BNC2: variants seen among roughly 807,000 people sequenced by gnomAD.
The protein encoded by BNC2 is basonuclin zinc finger protein 2.
Under a neutral mutation model 76.3 loss-of-function variants are expected in BNC2, and 20 were observed. The ratio of observed to expected loss-of-function variants is 0.26; its 90% CI spans 0.18 to 0.38. The LOEUF is 0.38. Among genes scored for constraint, BNC2 ranks in the 10% least tolerant of loss-of-function variants. The pLI is 1.00. For synonymous variants in BNC2, 582 were observed against 514.8 expected, an observed-to-expected ratio of 1.13 and a Z score of -1.77; for missense variants, 1,382 against 1,399.8, an observed-to-expected ratio of 0.99 and a Z score of 0.20.
chr9:16,863,116 T>C (rs1330169409), intron 1 of BNC2, among the ~76,000 whole-genome samples: 1 of 151,884 alleles, frequency 6.6e-6, no homozygotes, highest in Non-Finnish European at 1.5e-5. Context: ...GGTTTCACCA[T>C]ATTGGCCAGG....
At position 16,846,207 on chromosome 9, in the gene BNC2, G is replaced by A. The variant is rs116456118; in HGVS notation, c.3+24439C>T. On this transcript the variant is annotated intron_variant, in intron 1 of 6. Transcript: ENST00000380672. The stretch of plus-strand genomic sequence containing the variant: ...GCTACGTTTGAAATATAGTTTTGGT[G>A]AATTTCTAACTGTAAAAAAAGAAAA... Among the ~76,000 whole-genome samples, 735 of 151,836 alleles carry A rather than the reference G, an allele frequency of 4.8e-3. 1 individual carries two copies. Among genetic ancestry groups the A allele is most frequent in the African/African-American group, 0.017 (687 of 41,420 alleles).
At chr9:16,534,339 C>G (rs1818068931) in intron 5 of BNC2, among the ~76,000 whole-genome samples, 1 of 152,094 alleles carries the variant, frequency 6.6e-6, no homozygotes, top group Non-Finnish European at 1.5e-5. Flanking sequence ...AACTGTGCAA[C>G]CTAATTCTGA....
At position 16,738,422 on chromosome 9, in the gene BNC2, C is replaced by A; in HGVS notation, c.67G>T (p.Glu23Ter). 1.2e-6 allele frequency: 2 copies of A among 1,614,082 alleles called. No individual in the cohort carries two copies. The highest frequency in any genetic ancestry group is 1.7e-6 in the Non-Finnish European group (2 of 1,179,976). Reference protein sequence around the residue: ...LNYKSEDRLSEQDWPAYFKVP... With the variant: ...LNYKSEDRLS ...TTGAAATATGCTGGCCAGTCTTGCT[C>A]ACTAAGCCTGTCCTCTGATTTGTAA... is the stretch of plus-strand genomic sequence containing the variant. Residue 23 changes from glutamate (E) to a stop codon, truncating the protein, a stop_gained, in exon 2 of 7, where the codon GAG (glutamate) becomes TAG (stop). Coordinates refer to ENST00000380672, the MANE Select transcript of BNC2 (RefSeq NM_017637.6). LOFTEE classifies it high-confidence loss of function.
rs553255398 is a variant in BNC2, at chr9:16,437,576, T to G, written c.670-52A>C. Reference sequence around the variant, plus strand: ...AAGACAAACACAAAAACTTATTGATTGTGCATAATTATTCAATGCAACTGA... The same window carrying G: ...AAGACAAACACAAAAACTTATTGATGGTGCATAATTATTCAATGCAACTGA... On this transcript the variant is annotated intron_variant, in intron 5 of 6. Transcript: ENST00000380672. 54 of 1,587,934 alleles carry G rather than the reference T, an allele frequency of 3.4e-5. No individual in the cohort carries two copies. In the African/African-American group the frequency reaches 6.5e-4, roughly 19 times the overall value.
intron 5 of BNC2, among the ~76,000 whole-genome samples, chr9:16,464,973 C>A (rs759301624): frequency 2.0e-5 from 3 of 152,118 alleles, no homozygotes; most frequent in Non-Finnish European, 2.9e-5. Flanking sequence ...ACTTAGCCCT[C>A]AGGATGATTC....
chr9:16,843,973 T>C (rs971539316), intron 1 of BNC2, among the ~76,000 whole-genome samples: 1 of 152,180 alleles, frequency 6.6e-6, no homozygotes, highest in Non-Finnish European at 1.5e-5. Flanking sequence ...TTTTTTGTTG[T>C]TGTTGTTGTT....
intron 2 of BNC2, among the ~76,000 whole-genome samples, chr9:16,737,687 C>G (rs1286628849): frequency 4.6e-5 from 7 of 152,000 alleles, no homozygotes; most frequent in Non-Finnish European, 8.8e-5. Context: ...TGAAACAGAG[C>G]AAATGTTCAT....
chr9:16,437,481 C>G lies in BNC2; in HGVS notation c.713G>C (p.Arg238Pro), dbSNP rs188643589. ...KVLDRWAIMSREEEIITLQQF... is the reference protein window; with the variant it reads ...KVLDRWAIMSPEEEIITLQQF... ...CTGAAGGGTGATGATTTCCTCTTCT[C>G]GAGACATGATGGCCCAGCGGTCCAG... The change falls in exon 6 of 7, where the codon CGA becomes CCA. Residue 238 changes from arginine (R) to proline (P), a missense_variant. Physicochemically the swap from Arg to Pro is moderately radical, Grantham distance 103. This residue lies in a region of BNC2 where 557 missense variants were observed against 540.9 expected (regional missense o/e 1.03). Coordinates refer to ENST00000380672, the MANE Select transcript of BNC2 (RefSeq NM_017637.6). 1 of 1,613,620 alleles carries G rather than the reference C, an allele frequency of 6.2e-7. No homozygotes were observed. Among genetic ancestry groups the G allele is most frequent in the Non-Finnish European group, 8.5e-7 (1 of 1,179,982 alleles).
At chr9:16,653,646 A>G (rs920204398) in intron 3 of BNC2, among the ~76,000 whole-genome samples, 2 of 152,076 alleles carry the variant, frequency 1.3e-5, no homozygotes, top group Non-Finnish European at 2.9e-5. Flanking sequence ...TGAAGTGGAC[A>G]TTGGCATATC....
chr9:16,547,002 T>A (rs1474044040), intron 5 of BNC2, among the ~76,000 whole-genome samples: 1 of 152,228 alleles, frequency 6.6e-6, no homozygotes, highest in East Asian at 1.9e-4. Flanking sequence ...GAGACATGTG[T>A]TATCTTCAGG....
At chr9:16,480,434 G>A (rs949645972) in intron 5 of BNC2, among the ~76,000 whole-genome samples, 8 of 152,234 alleles carry the variant, frequency 5.3e-5, no homozygotes, top group Non-Finnish European at 8.8e-5. Context: ...TCAGCCCACC[G>A]CTGCACTGTG....
intron 5 of BNC2, among the ~76,000 whole-genome samples, chr9:16,458,478 G>A (rs1821502874): frequency 6.6e-6 from 1 of 152,200 alleles, no homozygotes; most frequent in Admixed American, 6.5e-5. Flanking sequence ...ATTGTTGTCT[G>A]AAACTGGGTT....
chr9:16,635,678 T>C lies in BNC2; in HGVS notation c.331-52593A>G, dbSNP rs545251295. ...TGGACAGACAATTCTATTATACAGA[T>C]TTCTTGGCCAACTTTTGTTGGCAAC... On this transcript the variant is annotated intron_variant, in intron 3 of 6. Transcript: ENST00000380672. 2.0e-5 allele frequency among the ~76,000 whole-genome samples: 3 copies of C among 152,320 alleles called. No individual in the cohort carries two copies. The East Asian group carries it at 5.8e-4, about 29-fold the overall frequency.
Position 16,412,918 on chromosome 9 carries a change from G to C in BNC2, c.*6071C>G, listed in dbSNP as rs570713010. 1.3e-5 allele frequency: 2 copies of C among 152,684 alleles called. No homozygotes were observed. Among genetic ancestry groups the C allele is most frequent in the African/African-American group, 4.8e-5 (2 of 41,456 alleles). 9.5% of individuals were successfully genotyped at this position (152,684 alleles called of 1,614,324 possible). A position where few individuals can be genotyped will look rare whatever the true frequency, so the allele number is the denominator to read the frequency against. ...TGCTGAACTGGAAAGCACACTATTA[G>C]TTTGTGTCCCTTCAGGGCCAGGGCA... On this transcript the variant is annotated 3_prime_UTR_variant, in exon 7 of 7. Transcript: ENST00000380672.
intron 1 of BNC2, among the ~76,000 whole-genome samples, chr9:16,863,233 C>T (rs539095769): frequency 4.9e-4 from 75 of 152,210 alleles, no homozygotes; most frequent in Non-Finnish European, 9.0e-4. Flanking sequence ...ATATTCTACA[C>T]AGTACTTCCG....
chr9:16,550,703 A>G (rs911377507), intron 5 of BNC2, among the ~76,000 whole-genome samples: 34 of 152,344 alleles, frequency 2.2e-4, no homozygotes, highest in African/African-American at 8.2e-4. Context: ...TAGGCAACAC[A>G]TACACATGAA....
At chr9:16,736,334 A>C (rs1401438629) in intron 2 of BNC2, among the ~76,000 whole-genome samples, 2 of 151,972 alleles carry the variant, frequency 1.3e-5, no homozygotes, top group Non-Finnish European at 2.9e-5. Flanking sequence ...AAAAAGCAAC[A>C]CTAAAAATGA....
intron 1 of BNC2, among the ~76,000 whole-genome samples, chr9:16,758,854 A>C (rs1825470509): frequency 6.6e-6 from 1 of 152,200 alleles, no homozygotes; most frequent in African/African-American, 2.4e-5. Context: ...ACAATCAAAA[A>C]TCTTTGAAGA....
At chr9:16,813,472 A>C (rs994274831) in intron 1 of BNC2, among the ~76,000 whole-genome samples, 29 of 152,006 alleles carry the variant, frequency 1.9e-4, no homozygotes, top group African/African-American at 7.0e-4. Context: ...TCACCGTGTT[A>C]GCCAGGATGG....
Sources: gnomAD v4.1 joint callset for allele counts (sites outside exome capture counted in the v4.1 genomes callset) on GRCh38, gnomAD v4.1.1 for gene constraint, gnomAD v4.1.1 regional missense constraint, MANE v1.5 for transcripts, NCBI Gene and HGNC (gene_info 2026-07-23, HGNC 2026-07-21) for gene names.